The following TRIP12 variants were observed in gnomAD, a reference collection of about 807,000 sequenced individuals.
TRIP12 encodes thyroid hormone receptor interactor 12.
A neutral mutation model predicts 244.2 loss-of-function variants in TRIP12; 25 were observed. The ratio of observed to expected loss-of-function variants is 0.10; its 90% CI spans 0.07 to 0.14. The LOEUF (loss-of-function observed/expected upper bound fraction) is 0.14, where lower values mean the gene tolerates loss of function less well. Ranked by LOEUF, TRIP12 falls within the 10% of genes least tolerant of loss-of-function variation. The probability of loss-of-function intolerance (pLI) is 1.00; values close to 1 mark genes in which losing one functional copy is unlikely to be tolerated. For missense variants in TRIP12, 1,677 were observed against 2,486.4 expected, an observed-to-expected ratio of 0.67 and a Z score of 6.92; for synonymous variants, 905 against 873.1, an observed-to-expected ratio of 1.04 and a Z score of -0.64.
At chr2:229,870,434 G>C (rs1168956547) in intron 2 of TRIP12, among the ~76,000 whole-genome samples, 3 of 152,164 alleles carry the variant, frequency 2.0e-5, no homozygotes, top group Non-Finnish European at 4.4e-5. Context: ...ACAGAGAGGA[G>C]GCAGCCAGAC....
At chr2:229,830,878 C>G in intron 6 of TRIP12, 39 bp from the exon 7 acceptor site, 9 of 1,594,522 alleles carry the variant, frequency 5.6e-6, no homozygotes, top group African/African-American at 1.3e-5. Flanking sequence ...AGGAGGAGCA[C>G]TTAAACACAT....
At chr2:229,830,704 T>G (rs1326941278) in intron 7 of TRIP12, 52 bp downstream of exon 7, 1 of 1,493,164 alleles carries the variant, frequency 6.7e-7, no homozygotes, top group Non-Finnish European at 9.3e-7. Context: ...AGAATGGTAT[T>G]AACAGGTAGC....
At chr2:229,835,404 C>T (rs1435783389) in intron 6 of TRIP12, among the ~76,000 whole-genome samples, 1 of 152,144 alleles carries the variant, frequency 6.6e-6, no homozygotes, top group African/African-American at 2.4e-5. Context: ...TTTTGAACCC[C>T]GTTCCCATTC....
Position 229,859,585 on chromosome 2 carries a change from A to G in TRIP12, c.225-11T>C, listed in dbSNP as rs370527992. ...GATGAACTGCAGCTTCTAAGAGGTT[A>G]GATAAGAAAACAGTTAATATCAGCC... On this transcript the variant is annotated splice_polypyrimidine_tract_variant and intron_variant, in intron 3 of 41. Coordinates refer to ENST00000675903, the MANE Select transcript of TRIP12 (RefSeq NM_001348323.3). 6.7e-4 allele frequency: 1,068 copies of G among 1,602,514 alleles called. No homozygotes were observed. Among genetic ancestry groups the G allele is most frequent in the Non-Finnish European group, 8.7e-4 (1,017 of 1,174,988 alleles).
intron 1 of TRIP12, among the ~76,000 whole-genome samples, chr2:229,900,584 C>G (rs1451905055): frequency 6.6e-6 from 1 of 152,130 alleles, no homozygotes; most frequent in African/African-American, 2.4e-5. Flanking sequence ...AGAATTTGGC[C>G]AGGTGCGGTA....
chr2:229,815,497 C>T (rs141792445), intron 9 of TRIP12, among the ~76,000 whole-genome samples, 189 bp from the exon 10 acceptor site: 185 of 151,206 alleles, frequency 1.2e-3, no homozygotes, highest in Admixed American at 3.3e-3. Context: ...TGGTTCATCA[C>T]ACACGGTGAC....
At chr2:229,887,301 G>T (rs1468731965) in intron 1 of TRIP12, among the ~76,000 whole-genome samples, 1 of 152,198 alleles carries the variant, frequency 6.6e-6, no homozygotes, top group Admixed American at 6.5e-5. Flanking sequence ...GCCTTCACAG[G>T]TTGAGGATGA....
intron 1 of TRIP12, among the ~76,000 whole-genome samples, chr2:229,886,266 G>A (rs771695661): frequency 2.0e-5 from 3 of 152,108 alleles, no homozygotes; most frequent in African/African-American, 4.8e-5. Flanking sequence ...ATTAGTTCAC[G>A]TTTGAATTAA....
In TRIP12 at chr2:229,791,264, G is replaced by C; in HGVS notation, c.4416-13C>G. 1 of 1,613,550 alleles carries C rather than the reference G, an allele frequency of 6.2e-7. No individual in the cohort carries two copies. The highest frequency in any genetic ancestry group is 1.3e-5 in the African/African-American group (1 of 74,954). The stretch of plus-strand genomic sequence containing the variant: ...CACAGGTTTATACCTAAAATGACAA[G>C]ACAGTATATAAACCAAATGTAGATT... On this transcript the variant is annotated splice_polypyrimidine_tract_variant and intron_variant, in intron 29 of 41. Coordinates refer to ENST00000675903, the MANE Select transcript of TRIP12 (RefSeq NM_001348323.3).
chr2:229,873,141 AG>A (rs1443069462), intron 2 of TRIP12, among the ~76,000 whole-genome samples: 2 of 152,220 alleles, frequency 1.3e-5, no homozygotes, highest in Non-Finnish European at 1.5e-5. Flanking sequence ...AACAAGAATA[AG>A]GGTTTTCTTC....
At chr2:229,866,117 T>C (rs1038463852) in intron 2 of TRIP12, among the ~76,000 whole-genome samples, 1 of 152,174 alleles carries the variant, frequency 6.6e-6, no homozygotes, top group Non-Finnish European at 1.5e-5. Context: ...CTTGGTAATA[T>C]ATGAAAACCT....
intron 34 of TRIP12, among the ~76,000 whole-genome samples, chr2:229,780,923 A>AG (rs2037945558): frequency 6.6e-6 from 1 of 152,234 alleles, no homozygotes; most frequent in South Asian, 2.1e-4. Flanking sequence ...AGAGAAGCAA[A>AG]GAAAAACCTG....
At chr2:229,855,895 A>G (rs894205516) in intron 4 of TRIP12, among the ~76,000 whole-genome samples, 9 of 151,946 alleles carry the variant, frequency 5.9e-5, no homozygotes, top group African/African-American at 2.2e-4. Context: ...AAAATTAGCC[A>G]AGCATGGTGG....
In TRIP12 at chr2:229,808,343, G is replaced by A; in HGVS notation, c.2248C>T (p.Leu750=). The A allele has an allele frequency of 6.2e-7, 1 of 1,613,288 alleles. No individual in the cohort carries two copies. The highest frequency in any genetic ancestry group is 8.5e-7 in the Non-Finnish European group (1 of 1,179,940). The change falls in exon 16 of 42, where the codon CTG becomes TTG. Residue 750 remains leucine, a synonymous_variant. Transcript: ENST00000675903. ...CAACTTCCATTGGAGGCACCACACAGGAGAAAGTGAAGCGTTTCTGCAATG... is the reference window on the plus strand; with the variant it reads ...CAACTTCCATTGGAGGCACCACACAAGAGAAAGTGAAGCGTTTCTGCAATG... ...QNIAETLHFL[L]CGASNGSCQE...
chr2:229,889,088 C>T (rs936881951), intron 1 of TRIP12, among the ~76,000 whole-genome samples: 2 of 152,164 alleles, frequency 1.3e-5, no homozygotes, highest in African/African-American at 4.8e-5. Flanking sequence ...AAAGGACAGT[C>T]TACTAACAGG....
chr2:229,846,557 T>C (rs548376645), intron 4 of TRIP12, among the ~76,000 whole-genome samples: 1 of 152,314 alleles, frequency 6.6e-6, no homozygotes, highest in Non-Finnish European at 1.5e-5. Context: ...AAAAAATTCA[T>C]GGAACTCACT....
At chr2:229,768,965 A>ACCC in intron 40 of TRIP12, among the ~76,000 whole-genome samples, 1 of 152,254 alleles carries the variant, frequency 6.6e-6, no homozygotes, top group Non-Finnish European at 1.5e-5. Flanking sequence ...ACTATATGTA[A>ACCC]TAATGGGGAA....
At position 229,869,951 on chromosome 2, in the gene TRIP12, C is replaced by G. The variant is rs536459864; in HGVS notation, c.99-9420G>C. ...TGGCAACTTCAGATTCACATCTTCC[C>G]ATCTTTGTCACCAGAAAGAAAAAAG... On this transcript the variant is annotated intron_variant, in intron 2 of 41. Coordinates refer to ENST00000675903, the MANE Select transcript of TRIP12 (RefSeq NM_001348323.3). Among the ~76,000 whole-genome samples the G allele has an allele frequency of 3.1e-4, 47 of 152,316 alleles. 1 individual carries two copies. The highest frequency in any genetic ancestry group is 1.0e-3 in the African/African-American group (42 of 41,576).
Position 229,795,184 on chromosome 2 carries a change from T to G in TRIP12, c.3963A>C (p.Gly1321=). Residue 1321 remains glycine (G), a synonymous_variant, in exon 26 of 42, where the codon GGA becomes GGC. Transcript: ENST00000675903. ...VHDFPSGNGT[G]GSFSLNRGSQ... is the part of the protein sequence containing the mutation. ...AGCCAGGCAATGGTCCTTACCTGCCTCCTGTCCCATTTCCACTAGGGAAAT... is the reference window on the plus strand; with the variant it reads ...AGCCAGGCAATGGTCCTTACCTGCCGCCTGTCCCATTTCCACTAGGGAAAT... The G allele has an allele frequency of 6.2e-7, 1 of 1,613,800 alleles. No homozygotes were observed. The highest frequency in any genetic ancestry group is 2.2e-5 in the East Asian group (1 of 44,870).
Sources: gnomAD v4.1 joint callset for allele counts (sites outside exome capture counted in the v4.1 genomes callset) on GRCh38, gnomAD v4.1.1 for gene constraint, MANE v1.5 for transcripts, NCBI Gene and HGNC (gene_info 2026-07-23, HGNC 2026-07-21) for gene names.